VSIG10: variants seen among roughly 807,000 people sequenced by gnomAD.
The protein encoded by VSIG10 is V-set and immunoglobulin domain containing 10, also known as V-set and immunoglobulin domain-containing protein 10.
A neutral mutation model predicts 58.7 loss-of-function variants in VSIG10; 48 were observed. The observed-to-expected ratio is 0.82, with a 90% CI of 0.65 to 1.04. The LOEUF is 1.04. VSIG10 is among the 50% of genes least tolerant of loss of function. The pLI is 0.00. For synonymous variants in VSIG10, 260 were observed against 267.1 expected (o/e 0.97, Z 0.26); for missense variants, 628 against 670.0 (o/e 0.94, Z 0.69).
intron 8 of VSIG10, 61 bp downstream of exon 8, chr12:118,068,316 T>C: frequency 1.3e-6 from 2 of 1,556,690 alleles, no homozygotes; most frequent in South Asian, 2.4e-5. Context: ...ATTATAGGCG[T>C]GAGCCAACGC....
rs2032152215 is a variant in VSIG10, at chr12:118,063,707, A to G, written c.*2932T>C. On this transcript the variant is annotated 3_prime_UTR_variant, in exon 9 of 9. Transcript: ENST00000359236. ...CTTAAAATGTAAATAATGGAGAAGG[A>G]GCTGCTTATTTTTCTTTGCAGCAGT... 6.6e-6 allele frequency: 1 copy of G among 152,188 alleles called. No homozygotes were observed. Among genetic ancestry groups the G allele is most frequent in the African/African-American group, 2.4e-5 (1 of 41,448 alleles). 9.4% of individuals were successfully genotyped at this position (152,188 alleles called of 1,614,324 possible). A position where few individuals can be genotyped will look rare whatever the true frequency, so the allele number is the denominator to read the frequency against.
intron 1 of VSIG10, among the ~76,000 whole-genome samples, chr12:118,099,008 G>A (rs2033552420): frequency 6.6e-6 from 1 of 151,048 alleles, no homozygotes; most frequent in Admixed American, 6.6e-5. Context: ...CCAAAGTGCT[G>A]GGATTACAGG....
At chr12:118,066,752 C>A (rs181684002) in intron 8 of VSIG10, 58 bp from the exon 9 acceptor site, 7 of 1,497,694 alleles carry the variant, frequency 4.7e-6, no homozygotes, top group Non-Finnish European at 4.5e-6. Flanking sequence ...CTATTTCCAC[C>A]GTCAGTCATC....
At chr12:118,083,071 C>CA (rs2033012398) in intron 2 of VSIG10, among the ~76,000 whole-genome samples, 1 of 128,598 alleles carries the variant, frequency 7.8e-6, no homozygotes, top group South Asian at 2.5e-4. Flanking sequence ...CGATATTGCG[C>CA]CACTGCACTC....
Position 118,073,918 on chromosome 12 carries a change from A to G in VSIG10, c.1000T>C (p.Ser334Pro), listed in dbSNP as rs746765713. 5.6e-5 allele frequency: 91 copies of G among 1,612,842 alleles called. 1 individual carries two copies. In the South Asian group the frequency reaches 9.8e-4, roughly 17 times the overall value. The change falls in exon 5 of 9, where the codon TCT (serine) becomes CCT (proline). Residue 334 changes from serine (S) to proline (P), a missense_variant. Ser to Pro is a moderately conservative substitution (Grantham distance 74). Coordinates refer to ENST00000359236, the MANE Select transcript of VSIG10 (RefSeq NM_019086.6). Reference protein sequence around the residue: ...GGNVTLTCQVSGAYPPAKILW... With the variant: ...GGNVTLTCQVPGAYPPAKILW... ...ATCTTGGCAGGGGGGTAGGCCCCAG[A>G]CACCTGGCATGTAAGCGTCACATTG...
At chr12:118,070,952 T>C in intron 7 of VSIG10, 100 bp downstream of exon 7, 1 of 1,395,722 alleles carries the variant, frequency 7.2e-7, no homozygotes, top group Non-Finnish European at 1.0e-6. Flanking sequence ...AGGTCCTCAA[T>C]GGTAGTTGCT....
intron 2 of VSIG10, among the ~76,000 whole-genome samples, chr12:118,090,572 G>A (rs1171092982): frequency 6.6e-6 from 1 of 152,142 alleles, no homozygotes; most frequent in African/African-American, 2.4e-5. Flanking sequence ...CCCCTGCCAC[G>A]CCGGCCTTCT....
At chr12:118,097,208 T>A (rs1392789888) in intron 1 of VSIG10, among the ~76,000 whole-genome samples, 1 of 152,110 alleles carries the variant, frequency 6.6e-6, no homozygotes, top group African/African-American at 2.4e-5. Flanking sequence ...GCCATCCCAC[T>A]CTTTGTGAGG....
rs892880419 is a variant in VSIG10 at position 118,104,003 on chromosome 12, A to C, written c.-332T>G. On this transcript the variant is annotated 5_prime_UTR_variant, in exon 1 of 9. Coordinates refer to ENST00000359236, the MANE Select transcript of VSIG10 (RefSeq NM_019086.6). ...CGCCTCCCAGCCAGGCGGGAGCCCA[A>C]CTTCCTCTACCTTGGCCCGGGAGGA... The C allele has an allele frequency of 3.1e-5, 7 of 226,206 alleles. No individual in the cohort carries two copies. Among genetic ancestry groups the C allele is most frequent in the East Asian group, 8.7e-5 (1 of 11,558 alleles). The allele number at this position is 226,206 out of a possible 1,614,324, so 14.0% of individuals were successfully genotyped here. A position where few individuals can be genotyped will look rare whatever the true frequency, so the allele number is the denominator to read the frequency against.
At chr12:118,088,721 T>C (rs3924358) in intron 2 of VSIG10, among the ~76,000 whole-genome samples, 20,730 of 152,028 alleles carry the variant, frequency 0.14, 1,519 homozygotes, top group South Asian at 0.19. Context: ...CCTCCTAAGA[T>C]GAGAACCAGG....
chr12:118,092,844 A>C, intron 2 of VSIG10, among the ~76,000 whole-genome samples: 1 of 151,354 alleles, frequency 6.6e-6, no homozygotes, highest in East Asian at 2.0e-4. Context: ...CTATGTTGCC[A>C]GGGCTGGTCT....
Position 118,063,892 on chromosome 12 carries a change from A to G in VSIG10, c.*2747T>C, listed in dbSNP as rs1002212451. On this transcript the variant is annotated 3_prime_UTR_variant, in exon 9 of 9. Coordinates refer to ENST00000359236, the MANE Select transcript of VSIG10 (RefSeq NM_019086.6). ...ATTATGGGGCTTGTATGTGCTTGTG[A>G]GAATTGGGGCTAATATCAAAGCCAC... 6.6e-6 allele frequency: 1 copy of G among 152,152 alleles called. No homozygotes were observed. The highest frequency in any genetic ancestry group is 2.4e-5 in the African/African-American group (1 of 41,428). 9.4% of individuals were successfully genotyped at this position (152,152 alleles called of 1,614,324 possible).
rs181271894 is a variant in VSIG10 at position 118,100,421 on chromosome 12, T to C, written c.79+3172A>G. 8.8e-3 allele frequency among the ~76,000 whole-genome samples: 1,335 copies of C among 152,150 alleles called. 10 individuals are homozygous for C. The highest frequency in any genetic ancestry group is 0.017 in the Middle Eastern group (5 of 294). ...CTGAGGCAGGAGAATCCCTTGTACC[T>C]GGGAGGCGGAGGTTGCAGTGAGCCA... On this transcript the variant is annotated intron_variant, in intron 1 of 8. Coordinates refer to ENST00000359236, the MANE Select transcript of VSIG10 (RefSeq NM_019086.6).
chr12:118,073,061 C>T (rs539366636), intron 5 of VSIG10, among the ~76,000 whole-genome samples: 124 of 150,740 alleles, frequency 8.2e-4, no homozygotes, highest in Non-Finnish European at 1.2e-3. Context: ...CTGCAACCTT[C>T]GCCTCCCAGA....
At position 118,103,713 on chromosome 12, in the gene VSIG10, G is replaced by A. The variant is rs1202354578; in HGVS notation, c.-42C>T. ...GCTCAGGAAACGCAGGCTCGGGCTGGGCTGGACGTGTGTGCCCCAGGGCCC... is the reference window on the plus strand; with the variant it reads ...GCTCAGGAAACGCAGGCTCGGGCTGAGCTGGACGTGTGTGCCCCAGGGCCC... On this transcript the variant is annotated 5_prime_UTR_variant, in exon 1 of 9. Transcript: ENST00000359236. The A allele has an allele frequency of 2.8e-6, 4 of 1,433,790 alleles. No individual in the cohort carries two copies. In the Admixed American group the frequency reaches 8.4e-5, roughly 30 times the overall value. 88.8% of individuals were successfully genotyped at this position (1,433,790 alleles called of 1,614,324 possible). A position where few individuals can be genotyped will look rare whatever the true frequency, so the allele number is the denominator to read the frequency against.
At chr12:118,069,422 C>CTT (rs1227167306) in intron 7 of VSIG10, among the ~76,000 whole-genome samples, 10,500 of 110,318 alleles carry the variant, frequency 0.095, 765 homozygotes, top group South Asian at 0.16. Context: ...TCTTCTTCTT[C>CTT]TTCTTTTTTT....
Position 118,103,950 on chromosome 12 carries a change from C to G in VSIG10, c.-279G>C, listed in dbSNP as rs1416768062. The stretch of plus-strand genomic sequence containing the variant: ...GCGCCCGCCAGCCTACTCCTGCCGG[C>G]GGAAAACAACAGGAGCGGGATCCCT... On this transcript the variant is annotated 5_prime_UTR_variant, in exon 1 of 9. Transcript: ENST00000359236. The G allele has an allele frequency of 2.8e-6, 1 of 352,802 alleles. No individual in the cohort carries two copies. Among genetic ancestry groups the G allele is most frequent in the Non-Finnish European group, 5.1e-6 (1 of 195,568 alleles). The allele number at this position is 352,802 out of a possible 1,614,324, so 21.9% of individuals were successfully genotyped here.
rs1205492764 is a variant in VSIG10 at position 118,073,808 on chromosome 12, G to A, written c.1110C>T (p.Ser370=). 3.1e-6 allele frequency: 5 copies of A among 1,614,006 alleles called. No homozygotes were observed. Among genetic ancestry groups the A allele is most frequent in the Non-Finnish European group, 3.4e-6 (4 of 1,179,896 alleles). The change falls in exon 5 of 9, where the codon TCC becomes TCT. Residue 370 remains serine, a synonymous_variant. Coordinates refer to ENST00000359236, the MANE Select transcript of VSIG10 (RefSeq NM_019086.6). The part of the protein sequence containing the change: ...RHLITQDGQN[S]TLTIHNCSQD... ...GGGAGCAGTTGTGGATAGTGAGGGT[G>A]GAGTTCTGGCCATCCTGGGTAATGA... is the stretch of plus-strand genomic sequence containing the variant.
rs750908297 is a variant in VSIG10 at position 118,082,427 on chromosome 12, C to A, written c.364G>T (p.Gly122Cys). 1.6e-5 allele frequency: 25 copies of A among 1,606,232 alleles called. No homozygotes were observed. Among genetic ancestry groups the A allele is most frequent in the Non-Finnish European group, 2.0e-5 (24 of 1,174,506 alleles). Residue 122 changes from glycine (G) to cysteine (C), a missense_variant and splice_region_variant, in exon 3 of 9, where the codon GGC (glycine) becomes TGC (cysteine). Physicochemically the swap from Gly to Cys is radical, Grantham distance 159. Transcript: ENST00000359236. ...WFQVWLQVAS[G>C]PYQIEVHIVA... ...ATGTGGACCTCAATCTGATAGGGGC[C>A]GCCTGGGGATGACAGGGGGAATAGG... is the stretch of plus-strand genomic sequence containing the variant.
Sources: gnomAD v4.1 joint callset for allele counts (sites outside exome capture counted in the v4.1 genomes callset) on GRCh38, gnomAD v4.1.1 for gene constraint, MANE v1.5 for transcripts, NCBI Gene and HGNC (gene_info 2026-07-23, HGNC 2026-07-21) for gene names.